BEND6: variants seen among roughly 807,000 people sequenced by gnomAD.
BEND6 encodes BEN domain containing 6.
A neutral mutation model predicts 31.8 loss-of-function variants in BEND6; 24 were observed. The observed-to-expected ratio is 0.75, with a 90% confidence interval of 0.55 to 1.06. BEND6 has a LOEUF of 1.06. BEND6 is among the 50% of genes least tolerant of loss of function. The probability of loss-of-function intolerance (pLI) is 0.00; values close to 1 mark genes in which losing one functional copy is unlikely to be tolerated. For missense variants in BEND6, 294 were observed against 327.4 expected, an observed-to-expected ratio of 0.90 and a Z score of 0.79; for synonymous variants, 109 against 114.6, an observed-to-expected ratio of 0.95 and a Z score of 0.31.
chr6:57,020,620 C>T (rs755988131), intron 6 of BEND6, among the ~76,000 whole-genome samples: 14 of 152,018 alleles, frequency 9.2e-5, no homozygotes, highest in Admixed American at 9.2e-4. Flanking sequence ...GGGGGTTTCA[C>T]CATGTTGGCC....
intron 1 of BEND6, among the ~76,000 whole-genome samples, chr6:56,980,614 G>C (rs961071943): frequency 2.0e-5 from 3 of 152,182 alleles, no homozygotes; most frequent in African/African-American, 7.2e-5. Context: ...TATTTGAAAG[G>C]CTAAAGTAAG....
At chr6:57,021,720 C>G (rs746826854) in intron 6 of BEND6, among the ~76,000 whole-genome samples, 1 of 152,158 alleles carries the variant, frequency 6.6e-6, no homozygotes, top group African/African-American at 2.4e-5. Flanking sequence ...AACTAAGTGA[C>G]CAAACTGCCT....
intron 3 of BEND6, among the ~76,000 whole-genome samples, chr6:57,004,104 C>A (rs548988559): frequency 6.6e-6 from 1 of 152,176 alleles, no homozygotes; most frequent in South Asian, 2.1e-4. Flanking sequence ...GCATTGCTCT[C>A]GAGAACTGGG....
intron 6 of BEND6, among the ~76,000 whole-genome samples, chr6:57,022,549 T>C (rs1009416927): frequency 6.6e-6 from 1 of 152,148 alleles, no homozygotes; most frequent in Non-Finnish European, 1.5e-5. Flanking sequence ...GTTTGCTGAT[T>C]TTCTTTGTCT....
chr6:57,015,213 AC>A lies in BEND6; in HGVS notation c.380del (p.Thr127AsnfsTer35). ...GCTTAAGGGTGGGGGAACCATGTCT[AC>A]ATCTGCATCCACCCTCTGGAGAGCA... ...ALLKGGGTMS[T>X]SASTLWRATN... On this transcript the variant is annotated frameshift_variant, in exon 4 of 7. Coordinates refer to ENST00000370746, the MANE Select transcript of BEND6 (RefSeq NM_152731.3). LOFTEE classifies it high-confidence loss of function. The A allele has an allele frequency of 1.2e-6, 2 of 1,614,180 alleles. No homozygotes were observed. The highest frequency in any genetic ancestry group is 1.1e-5 in the South Asian group (1 of 91,074).
Position 56,992,392 on chromosome 6 carries a change from G to A in BEND6, c.135G>A (p.Ser45=), listed in dbSNP as rs765821964. The A allele has an allele frequency of 3.0e-5, 49 of 1,608,020 alleles. No individual in the cohort carries two copies. In the African/African-American group the frequency reaches 4.9e-4, roughly 16 times the overall value. The change falls in exon 3 of 7, where the codon TCG becomes TCA. Residue 45 remains serine, a synonymous_variant. Transcript: ENST00000370746. Reference sequence around the variant, plus strand: ...TTCTATTTTAGAGAGACCCATATTCGGGAAATGCCTTTCTGCCTGGTGAAA... The same window carrying A: ...TTCTATTTTAGAGAGACCCATATTCAGGAAATGCCTTTCTGCCTGGTGAAA... ...DMDKGQRDPY[S]GNAFLPGESS... is the part of the protein sequence containing the mutation.
rs56710037 is a variant in BEND6 at position 57,010,893 on chromosome 6, C to A, written c.299-4240C>A. ...AAATGTTATAAAATTAAAAGATAAA[C>A]ACTTTGAGAAAAATATTTGCAACTC... On this transcript the variant is annotated intron_variant, in intron 3 of 6. Coordinates refer to ENST00000370746, the MANE Select transcript of BEND6 (RefSeq NM_152731.3). 1,943 of 608,568 alleles carry A rather than the reference C, an allele frequency of 3.2e-3. 39 individuals carry two copies. In the African/African-American group the frequency reaches 0.036, roughly 11 times the overall value. 37.7% of individuals were successfully genotyped at this position (608,568 alleles called of 1,614,324 possible).
intron 4 of BEND6, 100 bp downstream of exon 4, chr6:57,015,453 G>A (rs1827518734): frequency 1.4e-5 from 16 of 1,111,260 alleles, no homozygotes; most frequent in South Asian, 6.2e-5. Flanking sequence ...ATAACTATTG[G>A]ATAAAATAGT....
intron 3 of BEND6, among the ~76,000 whole-genome samples, chr6:57,012,958 T>C (rs764064543): frequency 2.0e-4 from 30 of 152,158 alleles, no homozygotes; most frequent in Non-Finnish European, 3.8e-4. Context: ...ATTTAATCCC[T>C]GCTCAGCCTT....
At chr6:56,969,691 A>G (rs1189760149) in intron 1 of BEND6, among the ~76,000 whole-genome samples, 2 of 151,794 alleles carry the variant, frequency 1.3e-5, no homozygotes, top group Admixed American at 1.3e-4. Context: ...CACCTGTATT[A>G]CATTTTGATA....
At chr6:56,997,476 G>A (rs916154175) in intron 3 of BEND6, among the ~76,000 whole-genome samples, 15 of 152,138 alleles carry the variant, frequency 9.9e-5, no homozygotes, top group African/African-American at 3.6e-4. Flanking sequence ...AGTAAAGTTG[G>A]CAATTGACTA....
chr6:56,999,941 G>A (rs1826865194), intron 3 of BEND6, among the ~76,000 whole-genome samples: 1 of 150,256 alleles, frequency 6.7e-6, no homozygotes. Context: ...CCTCTGCCTG[G>A]CTGCCCCGTC....
In BEND6 at chr6:56,976,566, G is replaced by GGTTTGTTT. The variant is rs572987105; in HGVS notation, c.-100-5135_-100-5128dup. On this transcript the variant is annotated intron_variant, in intron 1 of 6. Transcript: ENST00000370746. Reference sequence around the variant, plus strand: ...AAAATTAGGTGGCAAAGGACTGTGGGGTTTGTTTGTTTGTTTGAGCCAGAG... The same window carrying GGTTTGTTT: ...AAAATTAGGTGGCAAAGGACTGTGGGGTTTGTTTGTTTGTTTGTTTGTTTGAGCCAGAG... Among the ~76,000 whole-genome samples, 36 of 150,312 alleles carry GGTTTGTTT rather than the reference G, an allele frequency of 2.4e-4. No individual in the cohort carries two copies. In the South Asian group the frequency reaches 6.8e-3, roughly 28 times the overall value.
chr6:56,979,106 A>T (rs1825983298), intron 1 of BEND6, among the ~76,000 whole-genome samples: 1 of 152,204 alleles, frequency 6.6e-6, no homozygotes, highest in African/African-American at 2.4e-5. Context: ...TGCCTTTCAG[A>T]TCTCAATGCA....
intron 1 of BEND6, among the ~76,000 whole-genome samples, chr6:56,961,494 G>T (rs754098018): frequency 2.0e-5 from 3 of 152,090 alleles, no homozygotes; most frequent in Non-Finnish European, 2.9e-5. Context: ...TAACAATCTA[G>T]GACCACTTCC....
intron 3 of BEND6, chr6:57,004,832 A>C: frequency 1.4e-6 from 1 of 722,286 alleles, no homozygotes; most frequent in Non-Finnish European, 2.5e-6. Flanking sequence ...AGGACTTGAG[A>C]CCAGCCTGGG....
intron 1 of BEND6, among the ~76,000 whole-genome samples, chr6:56,956,124 G>A (rs979463398): frequency 2.6e-5 from 4 of 152,244 alleles, no homozygotes; most frequent in Admixed American, 2.6e-4. Flanking sequence ...GGCTTTCCCT[G>A]TGTGGGGCTG....
chr6:56,971,615 A>G (rs1825691454), intron 1 of BEND6, among the ~76,000 whole-genome samples: 1 of 152,142 alleles, frequency 6.6e-6, no homozygotes, highest in Non-Finnish European at 1.5e-5. Flanking sequence ...CAGTTCCTCT[A>G]TATCCTTACC....
At chr6:57,001,016 AG>A (rs1252599884) in intron 3 of BEND6, among the ~76,000 whole-genome samples, 4 of 151,982 alleles carry the variant, frequency 2.6e-5, no homozygotes, top group African/African-American at 9.7e-5. Flanking sequence ...TTTTAGGGAA[AG>A]GAAAAAAAAA....
Sources: allele counts gnomAD v4.1 joint callset (sites outside exome capture counted in the v4.1 genomes callset), GRCh38; gene constraint gnomAD v4.1.1; transcripts MANE v1.5; gene names NCBI Gene and HGNC (gene_info 2026-07-23, HGNC 2026-07-21).